TRIM5: variants seen among roughly 807,000 people sequenced by gnomAD.
The protein encoded by TRIM5 is tripartite motif-containing protein 5.
Under a neutral mutation model 35.6 loss-of-function variants are expected in TRIM5, and 31 were observed. The observed-to-expected ratio is 0.87, with a 90% CI of 0.65 to 1.18. The LOEUF (loss-of-function observed/expected upper bound fraction) is 1.18. Among genes scored for constraint, TRIM5 ranks in the 50% most tolerant of loss-of-function variants. The pLI, the probability that TRIM5 is intolerant of heterozygous loss-of-function variation, is 0.00. For missense variants in TRIM5, 609 were observed against 591.6 expected (o/e 1.03, Z -0.31); for synonymous variants, 243 against 215.6 (o/e 1.13, Z -1.11).
chr11:5,622,329 C>T, the TRIM5 span, among the ~76,000 whole-genome samples: 2 of 151,752 alleles, frequency 1.3e-5, no homozygotes, highest in African/African-American at 2.4e-5. Context: ...CCTGTAGTCC[C>T]GGCTACTTGG....
chr11:5,601,243 G>A, the TRIM5 span, among the ~76,000 whole-genome samples: 1 of 152,180 alleles, frequency 6.6e-6, no homozygotes, highest in South Asian at 2.1e-4. Context: ...TCAAAGTTAT[G>A]AGTTTGAGGA....
chr11:5,610,176 G>A, the TRIM5 span: 1 of 1,614,106 alleles, frequency 6.2e-7, no homozygotes, highest in African/African-American at 1.3e-5. Flanking sequence ...GAAGCCAGAA[G>A]CTCTCCCTAC....
At chr11:5,593,371 T>C in the TRIM5 span, among the ~76,000 whole-genome samples, 132 of 152,256 alleles carry the variant, frequency 8.7e-4, no homozygotes, top group African/African-American at 3.1e-3. Context: ...ACAACAGGAA[T>C]CATCTAACAC....
chr11:5,664,839 G>A lies in TRIM5; in HGVS notation c.1452C>T (p.Val484=). 6.2e-7 allele frequency: 1 copy of A among 1,607,862 alleles called. No homozygotes were observed. The highest frequency in any genetic ancestry group is 1.3e-5 in the African/African-American group (1 of 74,858). ...AGCTTGGTGAGCACAGAGTCATGGG[G>A]ACTCCACATTTTCTAGGATTTAAAT... ...FPYLNPRKCG[V]PMTLCSPSS The change falls in exon 8 of 8, where the codon GTC becomes GTT. Residue 484 remains valine, a synonymous_variant. Coordinates refer to ENST00000380034, the MANE Select transcript of TRIM5 (RefSeq NM_033034.3).
chr11:5,673,803 C>T (rs545199519), intron 4 of TRIM5, among the ~76,000 whole-genome samples: 1 of 152,196 alleles, frequency 6.6e-6, no homozygotes, highest in East Asian at 1.9e-4. Flanking sequence ...TTAAACACTA[C>T]TTTTCTGAAT....
chr11:5,596,734 T>TCGGAA, the TRIM5 span: 2 of 1,099,376 alleles, frequency 1.8e-6, no homozygotes, highest in African/African-American at 1.6e-5. Context: ...CCTGCCTTTC[T>TCGGAA]CGGAACGGAA....
the TRIM5 span, among the ~76,000 whole-genome samples, chr11:5,618,702 A>G: frequency 6.6e-6 from 1 of 152,254 alleles, no homozygotes; most frequent in Non-Finnish European, 1.5e-5. Context: ...ACAATGGCAC[A>G]AGTACATGAT....
chr11:5,677,369 G>T (rs546832601), intron 4 of TRIM5, among the ~76,000 whole-genome samples: 73 of 152,166 alleles, frequency 4.8e-4, no homozygotes, highest in African/African-American at 1.6e-3. Flanking sequence ...ATCATCACTG[G>T]CCATCAGAGA....
chr11:5,619,587 TTCTC>T, the TRIM5 span, among the ~76,000 whole-genome samples: 10,075 of 150,414 alleles, frequency 0.067, 1,125 homozygotes, highest in African/African-American at 0.23. Flanking sequence ...TGCTAGGAGT[TTCTC>T]TCTCTCAAGC....
intron 4 of TRIM5, among the ~76,000 whole-genome samples, chr11:5,674,140 CA>C (rs890918718): frequency 6.6e-6 from 1 of 151,186 alleles, no homozygotes; most frequent in African/African-American, 2.4e-5. Flanking sequence ...ACTAAAAGGA[CA>C]AAAAAAGGGA....
chr11:5,614,768 A>T, the TRIM5 span, among the ~76,000 whole-genome samples: 3 of 152,222 alleles, frequency 2.0e-5, no homozygotes, highest in African/African-American at 7.2e-5. Context: ...CTTAAAAATA[A>T]TCTTTTTAGG....
At chr11:5,634,525 AC>A in the TRIM5 span, 6 of 689,908 alleles carry the variant, frequency 8.7e-6, no homozygotes, top group Non-Finnish European at 1.3e-5. Flanking sequence ...ACACACACAC[AC>A]ACACATATAT....
chr11:5,596,722 C>A, the TRIM5 span: 1 of 951,160 alleles, frequency 1.1e-6, no homozygotes, highest in Non-Finnish European at 1.6e-6. Context: ...GAGGAGGGAT[C>A]CCCTGCCTTT....
chr11:5,651,451 A>G, the TRIM5 span, among the ~76,000 whole-genome samples: 8 of 152,162 alleles, frequency 5.3e-5, no homozygotes, highest in Non-Finnish European at 8.8e-5. Context: ...CTTTGTATCT[A>G]TATCTACTCA....
chr11:5,674,094 T>C (rs974291337), intron 4 of TRIM5, among the ~76,000 whole-genome samples: 1 of 152,144 alleles, frequency 6.6e-6, no homozygotes, highest in Non-Finnish European at 1.5e-5. Context: ...AAAGCCTTTT[T>C]AATTTCATAA....
intron 4 of TRIM5, among the ~76,000 whole-genome samples, chr11:5,668,425 A>T (rs1186391166): frequency 7.2e-5 from 11 of 152,124 alleles, no homozygotes; most frequent in Non-Finnish European, 1.6e-4. Context: ...ATAAGCAAAC[A>T]AGTGTACTAA....
the TRIM5 span, chr11:5,603,652 G>T: frequency 1.2e-6 from 2 of 1,613,440 alleles, no homozygotes; most frequent in African/African-American, 1.3e-5. Flanking sequence ...GGATGGGAAG[G>T]TCATTTGCTG....
the TRIM5 span, chr11:5,605,376 T>G: frequency 1.2e-6 from 2 of 1,614,070 alleles, no homozygotes; most frequent in Non-Finnish European, 8.5e-7. Flanking sequence ...CCAGACAGAG[T>G]TTAATCAGCT....
chr11:5,671,869 A>C lies in TRIM5; in HGVS notation c.745-4158T>G, dbSNP rs941601283. On this transcript the variant is annotated intron_variant, in intron 4 of 7. Coordinates refer to ENST00000380034, the MANE Select transcript of TRIM5 (RefSeq NM_033034.3). ...AATATTTCATCTATATTAATATCTA[A>C]ATCTATGTTCAATGAACCCCAAGTT... 2.0e-5 allele frequency among the ~76,000 whole-genome samples: 3 copies of C among 152,282 alleles called. No homozygotes were observed. The East Asian group carries it at 5.8e-4, about 29-fold the overall frequency.
Sources: gnomAD v4.1 joint callset for allele counts (sites outside exome capture counted in the v4.1 genomes callset) on GRCh38, gnomAD v4.1.1 for gene constraint, MANE v1.5 for transcripts, NCBI Gene and HGNC (gene_info 2026-07-23, HGNC 2026-07-21) for gene names.